The following ZYG11B variants were observed in gnomAD, a reference collection of about 807,000 sequenced individuals.
ZYG11B encodes the protein zyg-11 family member B, cell cycle regulator.
In ZYG11B, 36 loss-of-function variants were observed where a neutral mutation model predicts 82.4. The ratio of observed to expected loss-of-function variants is 0.44; its 90% CI spans 0.33 to 0.58. ZYG11B has a LOEUF of 0.58. Among genes scored for constraint, ZYG11B ranks in the 20% least tolerant of loss-of-function variants. The pLI, the probability that ZYG11B is intolerant of heterozygous loss-of-function variation, is 0.02. For missense variants in ZYG11B, 552 were observed against 895.6 expected (o/e 0.62, Z 4.90); for synonymous variants, 303 against 312.8 (o/e 0.97, Z 0.33).
intron 4 of ZYG11B, among the ~76,000 whole-genome samples, chr1:52,783,175 C>T (rs1644871023): frequency 6.6e-6 from 1 of 152,148 alleles, no homozygotes; most frequent in Non-Finnish European, 1.5e-5. Context: ...GATCCACCTG[C>T]CTCGGCCTCC....
At chr1:52,773,629 T>TATATATA (rs1187455734) in intron 3 of ZYG11B, among the ~76,000 whole-genome samples, 25 of 9,504 alleles carry the variant, frequency 2.6e-3, no homozygotes, top group East Asian at 0.012. Context: ...ATATATATAT[T>TATATATA]TTTTTTTTTT....
intron 3 of ZYG11B, among the ~76,000 whole-genome samples, chr1:52,773,403 G>A (rs1205789079): frequency 6.6e-6 from 1 of 150,570 alleles, no homozygotes; most frequent in Non-Finnish European, 1.5e-5. Flanking sequence ...GAATCCAGGA[G>A]GCGGAAGTTG....
intron 1 of ZYG11B, among the ~76,000 whole-genome samples, chr1:52,749,685 C>T (rs1180633875): frequency 2.6e-5 from 4 of 151,920 alleles, no homozygotes; most frequent in Non-Finnish European, 5.9e-5. Flanking sequence ...CTCACCGCAA[C>T]CTCCGCCTCC....
At chr1:52,784,183 G>A (rs1180396529) in intron 4 of ZYG11B, among the ~76,000 whole-genome samples, 1 of 152,010 alleles carries the variant, frequency 6.6e-6, no homozygotes, top group Non-Finnish European at 1.5e-5. Flanking sequence ...GTAGAGATGG[G>A]GTTTCACCAT....
chr1:52,764,290 A>ATT (rs35314526), intron 2 of ZYG11B, among the ~76,000 whole-genome samples: 1 of 141,790 alleles, frequency 7.1e-6, no homozygotes, highest in Non-Finnish European at 1.5e-5. Context: ...TGCCTGGCTA[A>ATT]TTTTTTTTTT....
intron 3 of ZYG11B, chr1:52,772,475 A>G: frequency 6.3e-7 from 1 of 1,587,550 alleles, no homozygotes; most frequent in Non-Finnish European, 8.6e-7. Context: ...GTGCAACACC[A>G]TGTGATTCTC....
chr1:52,821,144 A>AT (rs1488348888), intron 13 of ZYG11B, among the ~76,000 whole-genome samples: 1 of 151,568 alleles, frequency 6.6e-6, no homozygotes, highest in Non-Finnish European at 1.5e-5. Flanking sequence ...CTTACCTGTG[A>AT]TTTTGGGTCA....
chr1:52,816,638 C>CA lies in ZYG11B; in HGVS notation c.2044+18dup, dbSNP rs201549010. 5.6e-3 allele frequency: 8,607 copies of CA among 1,542,216 alleles called. 52 individuals carry two copies. Among genetic ancestry groups the CA allele is most frequent in the African/African-American group, 0.02 (1,434 of 71,114 alleles). Reference sequence around the variant, plus strand: ...TGTCTGCAGCAAGAATCGTATGTACCAAAAAAAAAGAACTGTGTTTTTTTT... The same window carrying CA: ...TGTCTGCAGCAAGAATCGTATGTACCAAAAAAAAAAGAACTGTGTTTTTTTT... On this transcript the variant is annotated intron_variant, in intron 13 of 13. Coordinates refer to ENST00000294353, the MANE Select transcript of ZYG11B (RefSeq NM_024646.3).
intron 10 of ZYG11B, among the ~76,000 whole-genome samples, chr1:52,809,736 G>GT (rs2149963682): frequency 6.6e-6 from 1 of 151,942 alleles, no homozygotes; most frequent in African/African-American, 2.4e-5. Context: ...GTATCTTGTA[G>GT]TTTTTGTTTG....
chr1:52,753,098 G>C (rs1644539994), intron 1 of ZYG11B, among the ~76,000 whole-genome samples: 1 of 151,980 alleles, frequency 6.6e-6, no homozygotes, highest in Non-Finnish European at 1.5e-5. Context: ...CACCCACCTC[G>C]GCCTCCCAAA....
intron 3 of ZYG11B, among the ~76,000 whole-genome samples, chr1:52,773,932 C>T (rs961750008): frequency 4.0e-5 from 6 of 151,332 alleles, no homozygotes; most frequent in African/African-American, 1.5e-4. Flanking sequence ...AGTGAGCCAC[C>T]ACCCTCGGCC....
intron 1 of ZYG11B, among the ~76,000 whole-genome samples, chr1:52,753,206 G>A (rs901698360): frequency 6.6e-6 from 1 of 152,110 alleles, no homozygotes; most frequent in African/African-American, 2.4e-5. Context: ...ACAAGATTTT[G>A]TGTGGACATG....
chr1:52,762,825 G>A (rs574476369), intron 2 of ZYG11B, among the ~76,000 whole-genome samples: 50 of 150,850 alleles, frequency 3.3e-4, no homozygotes, highest in African/African-American at 1.1e-3. Flanking sequence ...CAGGTGATCT[G>A]CCAACCTCGG....
At chr1:52,729,589 T>C (rs1644313354) in intron 1 of ZYG11B, among the ~76,000 whole-genome samples, 1 of 152,224 alleles carries the variant, frequency 6.6e-6, no homozygotes, top group Non-Finnish European at 1.5e-5. Flanking sequence ...TGTTAAATGT[T>C]AATTAGGTTG....
chr1:52,772,607 C>T (rs1644762318), intron 3 of ZYG11B: 10 of 1,293,474 alleles, frequency 7.7e-6, no homozygotes, highest in Admixed American at 1.7e-5. Flanking sequence ...AGGGTAAAGC[C>T]GACTGGGACA....
intron 4 of ZYG11B, among the ~76,000 whole-genome samples, chr1:52,783,010 T>G (rs1313675562): frequency 6.6e-6 from 1 of 150,682 alleles, no homozygotes; most frequent in Non-Finnish European, 1.5e-5. Flanking sequence ...CACTGCAACC[T>G]CTGCTTCCCA....
At chr1:52,784,743 G>T in intron 4 of ZYG11B, 134 bp from the exon 5 acceptor site, 1 of 928,050 alleles carries the variant, frequency 1.1e-6, no homozygotes, top group South Asian at 1.5e-5. Flanking sequence ...TATATCCTAG[G>T]CTCTTTGCAC....
At chr1:52,783,440 A>G (rs1452264162) in intron 4 of ZYG11B, among the ~76,000 whole-genome samples, 1 of 152,028 alleles carries the variant, frequency 6.6e-6, no homozygotes, top group African/African-American at 2.4e-5. Flanking sequence ...AGACAAGAAA[A>G]TAATTATCTA....
At chr1:52,794,296 G>C (rs532975551) in intron 6 of ZYG11B, among the ~76,000 whole-genome samples, 1 of 152,122 alleles carries the variant, frequency 6.6e-6, no homozygotes, top group East Asian at 1.9e-4. Flanking sequence ...CTAATGTGCA[G>C]GCACACATTG....
Sources: allele counts gnomAD v4.1 joint callset (sites outside exome capture counted in the v4.1 genomes callset), GRCh38; gene constraint gnomAD v4.1.1; transcripts MANE v1.5; gene names NCBI Gene and HGNC (gene_info 2026-07-23, HGNC 2026-07-21).